Variants in BCO2 observed in about 807,000 individuals in gnomAD.
BCO2 encodes the protein beta-carotene oxygenase 2, also known as carotenoid-cleaving dioxygenase, mitochondrial.
In BCO2, 56 loss-of-function variants were observed where a neutral mutation model predicts 65.8. That is an observed-to-expected ratio of 0.85 (90% CI 0.69 to 1.06). The LOEUF is 1.06. Ranked by LOEUF, BCO2 falls within the 50% of genes least tolerant of loss-of-function variation. BCO2 has a pLI of 0.00. For synonymous variants in BCO2, 233 were observed against 242.3 expected, an observed-to-expected ratio of 0.96 and a Z score of 0.36; for missense variants, 675 against 698.5, an observed-to-expected ratio of 0.97 and a Z score of 0.38.
intron 8 of BCO2, among the ~76,000 whole-genome samples, chr11:112,210,102 G>T (rs1290414634): frequency 6.6e-6 from 1 of 152,056 alleles, no homozygotes; most frequent in Non-Finnish European, 1.5e-5. Context: ...TTTCCTTATA[G>T]GCAGATCTAC....
chr11:112,189,170 A>C (rs1250194636), intron 2 of BCO2, among the ~76,000 whole-genome samples: 1 of 152,154 alleles, frequency 6.6e-6, no homozygotes, highest in Non-Finnish European at 1.5e-5. Context: ...TAAAATGGAT[A>C]ATTCTATAGG....
chr11:112,175,763 T>C, intron 1 of BCO2, 74 bp downstream of exon 1: 1 of 1,319,552 alleles, frequency 7.6e-7, no homozygotes, highest in South Asian at 1.2e-5. Context: ...TGTGCCTCTT[T>C]CCTGAAGGTT....
chr11:112,201,163 T>A (rs1867721168), intron 7 of BCO2, among the ~76,000 whole-genome samples: 1 of 152,100 alleles, frequency 6.6e-6, no homozygotes, highest in Non-Finnish European at 1.5e-5. Flanking sequence ...TGAGATTTTT[T>A]TTTTAGATGG....
intron 2 of BCO2, among the ~76,000 whole-genome samples, chr11:112,180,256 T>A (rs1458397144): frequency 6.6e-6 from 1 of 152,188 alleles, no homozygotes; most frequent in African/African-American, 2.4e-5. Context: ...CTTTGTGGCA[T>A]TTTTTTCCCA....
intron 5 of BCO2, among the ~76,000 whole-genome samples, chr11:112,197,786 C>G (rs1440132604): frequency 6.6e-6 from 1 of 152,208 alleles, no homozygotes; most frequent in Non-Finnish European, 1.5e-5. Context: ...ACCCACTTCT[C>G]TGAGCTTACC....
chr11:112,205,006 A>G (rs1278801091), intron 8 of BCO2, among the ~76,000 whole-genome samples: 1 of 152,182 alleles, frequency 6.6e-6, no homozygotes, highest in Non-Finnish European at 1.5e-5. Flanking sequence ...GGTTTGCTTT[A>G]TTGTAATAAT....
At chr11:112,217,588 T>C (rs1303942156) in intron 11 of BCO2, among the ~76,000 whole-genome samples, 173 bp from the exon 12 acceptor site, 2 of 152,100 alleles carry the variant, frequency 1.3e-5, no homozygotes, top group Non-Finnish European at 2.9e-5. Context: ...TCTTCAACCA[T>C]GATCTCAAGC....
intron 8 of BCO2, chr11:112,208,458 C>T (rs1260303924): frequency 6.9e-6 from 1 of 145,682 alleles, no homozygotes; most frequent in Non-Finnish European, 1.5e-5. Context: ...ATCTTCAGTA[C>T]AGTGTTGAAT....
intron 2 of BCO2, among the ~76,000 whole-genome samples, chr11:112,185,533 C>T (rs1566770990): frequency 6.6e-6 from 1 of 152,144 alleles, no homozygotes; most frequent in Non-Finnish European, 1.5e-5. Context: ...GCATGTACCA[C>T]CTGACACATC....
chr11:112,216,720 A>G (rs1859687905), intron 11 of BCO2, among the ~76,000 whole-genome samples: 1 of 152,218 alleles, frequency 6.6e-6, no homozygotes, highest in Admixed American at 6.5e-5. Context: ...TCTAATGTTT[A>G]TATCATCATG....
At chr11:112,203,146 A>AC (rs1317534052) in intron 8 of BCO2, among the ~76,000 whole-genome samples, 1 of 152,140 alleles carries the variant, frequency 6.6e-6, no homozygotes, top group Non-Finnish European at 1.5e-5. Flanking sequence ...GTAGACCGTC[A>AC]ATCAGTCCAC....
chr11:112,209,202 G>C lies in BCO2; in HGVS notation c.1195-4522G>C, dbSNP rs573214783. On this transcript the variant is annotated intron_variant, in intron 8 of 11. Coordinates refer to ENST00000357685, the MANE Select transcript of BCO2 (RefSeq NM_031938.7). ...GTCATGTATCTACCAATATCATACA[G>C]AATAGTTCACTGCCCTGAAAATCTC... 6.6e-5 allele frequency among the ~76,000 whole-genome samples: 10 copies of C among 152,242 alleles called. No individual in the cohort carries two copies. In the East Asian group the frequency reaches 1.7e-3, roughly 26 times the overall value.
At chr11:112,209,569 C>G (rs1477223318) in intron 8 of BCO2, among the ~76,000 whole-genome samples, 5 of 152,118 alleles carry the variant, frequency 3.3e-5, no homozygotes, top group African/African-American at 1.2e-4. Context: ...TAAAAAGATA[C>G]ATTTTATTAG....
chr11:112,180,816 G>A, intron 2 of BCO2: 2 of 1,050,012 alleles, frequency 1.9e-6, no homozygotes, highest in South Asian at 2.5e-5. Context: ...CCCAAGAACG[G>A]AAAGGTAGTT....
intron 7 of BCO2, among the ~76,000 whole-genome samples, chr11:112,201,117 A>G (rs994629270): frequency 6.6e-5 from 10 of 151,988 alleles, no homozygotes; most frequent in Non-Finnish European, 1.0e-4. Context: ...TAATACTTTA[A>G]TTAGTTGATT....
At chr11:112,179,737 G>C in intron 2 of BCO2, 1 of 460,928 alleles carries the variant, frequency 2.2e-6, no homozygotes, top group Non-Finnish European at 4.0e-6. Flanking sequence ...GTCAGAAGCT[G>C]TCAGTGTGGT....
chr11:112,183,301 TA>T (rs1026378151), intron 2 of BCO2: 2 of 637,872 alleles, frequency 3.1e-6, no homozygotes, highest in East Asian at 2.7e-5. Flanking sequence ...AAGGAAATTT[TA>T]AAAAAACATT....
At chr11:112,195,240 T>C (rs1404627436) in intron 5 of BCO2, among the ~76,000 whole-genome samples, 1 of 145,720 alleles carries the variant, frequency 6.9e-6, no homozygotes, top group African/African-American at 2.4e-5. Flanking sequence ...GTTCAAGCGA[T>C]TCTCCTGCCT....
Position 112,200,689 on chromosome 11 carries a change from T to A in BCO2, c.942T>A (p.Ile314=), listed in dbSNP as rs1566787716. Residue 314 remains isoleucine (I), a synonymous_variant, in exon 7 of 12, where the codon ATT becomes ATA. Coordinates refer to ENST00000357685, the MANE Select transcript of BCO2 (RefSeq NM_031938.7). ...MNLWKIATSK[I]RGKAFSDGIS... ...TGTGGAAAATTGCCACTTCTAAAAT[T>A]CGGGGAAAGGCCTTTTCAGATGGGA... 3.7e-6 allele frequency: 6 copies of A among 1,613,956 alleles called. No homozygotes were observed. In the East Asian group the frequency reaches 1.3e-4, roughly 36 times the overall value.
Sources: allele counts gnomAD v4.1 joint callset (sites outside exome capture counted in the v4.1 genomes callset), GRCh38; gene constraint gnomAD v4.1.1; transcripts MANE v1.5; gene names NCBI Gene and HGNC (gene_info 2026-07-23, HGNC 2026-07-21).